Variants in PCDHGA9 observed in about 807,000 individuals in gnomAD.
PCDHGA9 encodes protocadherin gamma subfamily A, 9.
PCDHGA9 carries 37 observed loss-of-function variants against 62.5 expected under a neutral mutation model. That is an observed-to-expected ratio of 0.59 (90% CI 0.46 to 0.78). PCDHGA9 has a LOEUF of 0.78. Ranked by LOEUF, PCDHGA9 falls within the 30% of genes least tolerant of loss-of-function variation. The probability of loss-of-function intolerance (pLI) is 0.00; values close to 1 mark genes in which losing one functional copy is unlikely to be tolerated. For missense variants in PCDHGA9, 1,138 were observed against 1,166.2 expected (o/e 0.98, Z 0.35); for synonymous variants, 459 against 484.6 (o/e 0.95, Z 0.69).
chr5:141,494,316 G>T (rs2099753509), intron 1 of PCDHGA9, among the ~76,000 whole-genome samples: 1 of 152,172 alleles, frequency 6.6e-6, no homozygotes, highest in Admixed American at 6.5e-5. Flanking sequence ...TGCACAACCT[G>T]GCACCAAAAG....
At chr5:141,417,626 T>A (rs1156653216) in intron 1 of PCDHGA9, 3 of 689,458 alleles carry the variant, frequency 4.4e-6, no homozygotes, top group Non-Finnish European at 6.8e-6. Context: ...GAGCAAGCGC[T>A]GACGCCGGGG....
intron 1 of PCDHGA9, among the ~76,000 whole-genome samples, chr5:141,465,687 T>C (rs1290838979): frequency 1.3e-5 from 2 of 152,248 alleles, no homozygotes; most frequent in Non-Finnish European, 2.9e-5. Flanking sequence ...TTGACCAGTC[T>C]GCTTTTGCAT....
At chr5:141,419,751 C>T (rs140649685) in intron 1 of PCDHGA9, 1 of 1,613,900 alleles carries the variant, frequency 6.2e-7, no homozygotes, top group African/African-American at 1.3e-5. Flanking sequence ...ATGGTGCGTG[C>T]TTTGGGTGAC....
chr5:141,509,157 C>T lies in PCDHGA9; in HGVS notation c.2573-1790C>T, dbSNP rs369133984. Among the ~76,000 whole-genome samples the T allele has an allele frequency of 2.6e-4, 40 of 152,314 alleles. No individual in the cohort carries two copies. In the South Asian group the frequency reaches 7.0e-3, roughly 27 times the overall value. On this transcript the variant is annotated intron_variant, in intron 3 of 3. Transcript: ENST00000573521. The stretch of plus-strand genomic sequence containing the variant: ...GAGGCGCATCCCGGCTCTCCCCTCC[C>T]GTGTGCCCTCCTCCTCTTATGCCGG...
intron 1 of PCDHGA9, chr5:141,409,838 G>T: frequency 6.2e-7 from 1 of 1,611,532 alleles, no homozygotes; most frequent in Non-Finnish European, 8.5e-7. Context: ...CAGCGCCAAC[G>T]TGAGCCTGCG....
chr5:141,413,417 T>A (rs777399697), intron 1 of PCDHGA9: 1 of 1,614,086 alleles, frequency 6.2e-7, no homozygotes, highest in Non-Finnish European at 8.5e-7. Context: ...CTTTTCTCTC[T>A]GAACCCGCGC....
chr5:141,477,361 G>A lies in PCDHGA9; in HGVS notation c.2425-17446G>A. The A allele has an allele frequency of 6.2e-7, 1 of 1,614,172 alleles. No individual in the cohort carries two copies. The highest frequency in any genetic ancestry group is 8.5e-7 in the Non-Finnish European group (1 of 1,180,032). Reference sequence around the variant, plus strand: ...TCACTTTGAAAACCAGTGCAGACCTGGATCGGGAGACTGTGCCAGAATACA... The same window carrying A: ...TCACTTTGAAAACCAGTGCAGACCTAGATCGGGAGACTGTGCCAGAATACA... On this transcript the variant is annotated intron_variant, in intron 1 of 3. Coordinates refer to ENST00000573521, the MANE Select transcript of PCDHGA9 (RefSeq NM_018921.3). The surrounding 1 kb of genome is among the most constrained non-coding windows in gnomAD (Gnocchi z 4.9).
In PCDHGA9 at chr5:141,486,727, T is replaced by C; in HGVS notation, c.2425-8080T>C. ...TGAACCCCCAGACAGGAGCTGTTCA[T>C]GCTACTCGATCCTTTGACTATGAGC... On this transcript the variant is annotated intron_variant, in intron 1 of 3. Transcript: ENST00000573521. The surrounding 1 kb of genome is among the most constrained non-coding windows in gnomAD (Gnocchi z 5.0). 6.2e-7 allele frequency: 1 copy of C among 1,614,232 alleles called. No homozygotes were observed. Among genetic ancestry groups the C allele is most frequent in the Non-Finnish European group, 8.5e-7 (1 of 1,180,044 alleles).
At chr5:141,470,780 T>G (rs1436746772) in intron 1 of PCDHGA9, among the ~76,000 whole-genome samples, 1 of 152,194 alleles carries the variant, frequency 6.6e-6, no homozygotes, top group Non-Finnish European at 1.5e-5. Flanking sequence ...CTTGAATTCC[T>G]GGGCTCAAGC....
chr5:141,495,642 C>T (rs1294293252), intron 2 of PCDHGA9, among the ~76,000 whole-genome samples: 1 of 152,208 alleles, frequency 6.6e-6, no homozygotes. Flanking sequence ...TTTCATTTGT[C>T]TACTTGCATT....
At chr5:141,424,841 C>A (rs1303241053) in intron 1 of PCDHGA9, among the ~76,000 whole-genome samples, 1 of 152,126 alleles carries the variant, frequency 6.6e-6, no homozygotes. Context: ...TACATGTTAT[C>A]TGAAGCAATG....
chr5:141,489,300 C>G lies in PCDHGA9; in HGVS notation c.2425-5507C>G. The G allele has an allele frequency of 6.3e-7, 1 of 1,585,700 alleles. No individual in the cohort carries two copies. The highest frequency in any genetic ancestry group is 1.2e-5 in the South Asian group (1 of 85,012). Reference sequence around the variant, plus strand: ...AATGGCAAGTGCTGTGCATGTTGTCCTTGTGCTGCTGGGGCTGGGTGTCTG... The same window carrying G: ...AATGGCAAGTGCTGTGCATGTTGTCGTTGTGCTGCTGGGGCTGGGTGTCTG... On this transcript the variant is annotated intron_variant, in intron 1 of 3. Coordinates refer to ENST00000573521, the MANE Select transcript of PCDHGA9 (RefSeq NM_018921.3). This position sits in a 1 kb window ranked among gnomAD's most constrained non-coding sequence, Gnocchi z 4.5.
chr5:141,478,399 T>C, intron 1 of PCDHGA9: 1 of 1,613,514 alleles, frequency 6.2e-7, no homozygotes, highest in South Asian at 1.1e-5. Flanking sequence ...ATCAGGTGTA[T>C]CTCACCACGG....
chr5:141,485,895 C>G lies in PCDHGA9; in HGVS notation c.2425-8912C>G, dbSNP rs1243568042. On this transcript the variant is annotated intron_variant, in intron 1 of 3. Coordinates refer to ENST00000573521, the MANE Select transcript of PCDHGA9 (RefSeq NM_018921.3). This position sits in a 1 kb window ranked among gnomAD's most constrained non-coding sequence, Gnocchi z 5.7. Reference sequence around the variant, plus strand: ...CTGGACGTAAACGACAACGCCCCAGCCTTCCAGCAATCCAGCTACAGGATT... The same window carrying G: ...CTGGACGTAAACGACAACGCCCCAGGCTTCCAGCAATCCAGCTACAGGATT... 3 of 1,614,136 alleles carry G rather than the reference C, an allele frequency of 1.9e-6. No individual in the cohort carries two copies. The highest frequency in any genetic ancestry group is 2.5e-6 in the Non-Finnish European group (3 of 1,180,036).
Position 141,405,331 on chromosome 5 carries a change from C to G in PCDHGA9, c.2379C>G (p.Val793=), listed in dbSNP as rs1561699778. 1 of 1,614,186 alleles carries G rather than the reference C, an allele frequency of 6.2e-7. No homozygotes were observed. Among genetic ancestry groups the G allele is most frequent in the Non-Finnish European group, 8.5e-7 (1 of 1,180,024 alleles). Residue 793 remains valine, a synonymous_variant, in exon 1 of 4, where the codon GTC becomes GTG. Coordinates refer to ENST00000573521, the MANE Select transcript of PCDHGA9 (RefSeq NM_018921.3). ...QSCEKNEPLC[V]SVDSKFPIED... ...GTGAGAAAAATGAGCCTTTGTGCGT[C>G]TCTGTTGATTCCAAGTTTCCTATAG...
rs1591337394 is a variant in PCDHGA9, at chr5:141,434,573, C to A, written c.2424+29197C>A. 2.0e-5 allele frequency among the ~76,000 whole-genome samples: 3 copies of A among 152,336 alleles called. No individual in the cohort carries two copies. The South Asian group carries it at 6.2e-4, about 32-fold the overall frequency. On this transcript the variant is annotated intron_variant, in intron 1 of 3. Transcript: ENST00000573521. The stretch of plus-strand genomic sequence containing the variant: ...TCTGTGCCTTAAGGACATGCCCCTG[C>A]TGCAGATAACTACCTCAATCCATCC...
chr5:141,463,142 C>T (rs1229364880), intron 1 of PCDHGA9, among the ~76,000 whole-genome samples: 1 of 152,160 alleles, frequency 6.6e-6, no homozygotes, highest in Non-Finnish European at 1.5e-5. Context: ...CTTCGCCCAG[C>T]TGCAGAAAAG....
At chr5:141,420,056 T>C (rs1241770239) in intron 1 of PCDHGA9, 1 of 1,614,044 alleles carries the variant, frequency 6.2e-7, no homozygotes, top group Admixed American at 1.7e-5. Flanking sequence ...AGTTCTCTGC[T>C]CCAAGTCCGG....
chr5:141,424,697 T>C (rs1467404367), intron 1 of PCDHGA9: 4 of 152,342 alleles, frequency 2.6e-5, no homozygotes, highest in South Asian at 4.1e-4. Context: ...GGCTATTTTT[T>C]TGTTCATTTT....
Sources: allele counts gnomAD v4.1 joint callset (sites outside exome capture counted in the v4.1 genomes callset), GRCh38; gene constraint gnomAD v4.1.1; non-coding constraint Gnocchi (gnomAD v3.1); transcripts MANE v1.5; gene names NCBI Gene and HGNC (gene_info 2026-07-23, HGNC 2026-07-21).